The following OR13G1 variants were observed in gnomAD, a reference collection of about 807,000 sequenced individuals.
The protein encoded by OR13G1 is olfactory receptor family 13 subfamily G member 1.
For missense variants in OR13G1, 369 were observed against 385.7 expected (o/e 0.96, Z 0.36); for synonymous variants, 128 against 136.2 (o/e 0.94, Z 0.42).
In OR13G1 at chr1:247,672,548, A is replaced by G. The variant is rs142245167; in HGVS notation, c.494T>C (p.Phe165Ser). The G allele has an allele frequency of 3.1e-6, 5 of 1,614,038 alleles. No homozygotes were observed. The East Asian group carries it at 6.7e-5, about 22-fold the overall frequency. Reference sequence around the variant, plus strand: ...GTGGTCAATGGTGTTTGGCCCACAGAAAGTCAACCTCATGATAAGAGCTGT... The same window carrying G: ...GTGGTCAATGGTGTTTGGCCCACAGGAAGTCAACCTCATGATAAGAGCTGT... ...VHTALIMRLT[F>S]CGPNTIDHFF... Residue 165 changes from phenylalanine to serine, a missense_variant, in exon 2 of 2, where the codon TTC (phenylalanine) becomes TCC (serine). Transcript: ENST00000642119.
rs1323897011 is a variant in OR13G1 at position 247,671,221 on chromosome 1, A to G, written c.*897T>C. On this transcript the variant is annotated 3_prime_UTR_variant, in exon 2 of 2. Transcript: ENST00000642119. ...TGGTGTAATAATATAGCTATAGCCAATGAGATGTAGCTTATACTTACTGGG... is the reference window on the plus strand; with the variant it reads ...TGGTGTAATAATATAGCTATAGCCAGTGAGATGTAGCTTATACTTACTGGG... The G allele has an allele frequency of 1.3e-5, 2 of 152,142 alleles. No homozygotes were observed. The highest frequency in any genetic ancestry group is 1.9e-4 in the East Asian group (1 of 5,194). The allele number at this position is 152,142 out of a possible 1,614,324, so 9.4% of individuals were successfully genotyped here. A position where few individuals can be genotyped will look rare whatever the true frequency, so the allele number is the denominator to read the frequency against.
chr1:247,678,459 TGG>T (rs920210515), intron 1 of OR13G1, among the ~76,000 whole-genome samples: 9 of 152,224 alleles, frequency 5.9e-5, no homozygotes, highest in Non-Finnish European at 1.0e-4. Flanking sequence ...CTGTGTTTTA[TGG>T]GGACAGAGTG....
At position 247,672,874 on chromosome 1, in the gene OR13G1, C is replaced by T. The variant is rs774104682; in HGVS notation, c.168G>A (p.Met56Ile). The T allele has an allele frequency of 5.6e-6, 9 of 1,613,940 alleles. No individual in the cohort carries two copies. In the African/African-American group the frequency reaches 1.1e-4, roughly 19 times the overall value. Reference sequence around the variant, plus strand: ...CAGCCAGTGTCAGAAGGAAAACATACATGGGCGTATGCAAGGTGTTGTTAT... The same window carrying T: ...CAGCCAGTGTCAGAAGGAAAACATATATGGGCGTATGCAAGGTGTTGTTAT... ...KIYNNTLHTPMYVFLLTLAVV... is the reference protein window; with the variant it reads ...KIYNNTLHTPIYVFLLTLAVV... The change falls in exon 2 of 2, where the codon ATG (methionine) becomes ATA (isoleucine). Residue 56 changes from methionine (M) to isoleucine (I), a missense_variant. Met to Ile is a conservative substitution (Grantham distance 10). Transcript: ENST00000642119.
At chr1:247,673,345 A>T (rs976172972) in intron 1 of OR13G1, 66 bp from the exon 2 acceptor site, 1 of 332,690 alleles carries the variant, frequency 3.0e-6, no homozygotes, top group Non-Finnish European at 5.5e-6. Flanking sequence ...TATCATTTTC[A>T]CTTAAAACTT....
intron 1 of OR13G1, among the ~76,000 whole-genome samples, chr1:247,673,855 C>T (rs1659266704): frequency 6.6e-6 from 1 of 152,028 alleles, no homozygotes; most frequent in Non-Finnish European, 1.5e-5. Flanking sequence ...TTTATTATTT[C>T]TAAACATTGA....
rs771495183 is a variant in OR13G1 at position 247,672,584 on chromosome 1, GAAT to G, written c.455_457del (p.Asn152_Ser153delinsThr). The G allele has an allele frequency of 1.9e-6, 3 of 1,613,908 alleles. No homozygotes were observed. Among genetic ancestry groups the G allele is most frequent in the Non-Finnish European group, 2.5e-6 (3 of 1,179,966 alleles). On this transcript the variant is annotated inframe_deletion, in exon 2 of 2. Coordinates refer to ENST00000642119, the MANE Select transcript of OR13G1 (RefSeq NM_001005487.2). The stretch of plus-strand genomic sequence containing the variant: ...CATGATAAGAGCTGTGTGCACCCAG[GAAT>G]TGGTGACTGCAATAGCCATGACCAT...
At position 247,672,042 on chromosome 1, in the gene OR13G1, A is replaced by C; in HGVS notation, c.*76T>G. 4.0e-6 allele frequency: 5 copies of C among 1,245,656 alleles called. No homozygotes were observed. Among genetic ancestry groups the C allele is most frequent in the Non-Finnish European group, 4.5e-6 (4 of 891,746 alleles). The allele number at this position is 1,245,656 out of a possible 1,614,324, so 77.2% of individuals were successfully genotyped here. Reference sequence around the variant, plus strand: ...AGGGAAAATTGGAGTGGAGGTAAGTATGAAAAACCAGTAAAATCTGAGATG... The same window carrying C: ...AGGGAAAATTGGAGTGGAGGTAAGTCTGAAAAACCAGTAAAATCTGAGATG... On this transcript the variant is annotated 3_prime_UTR_variant, in exon 2 of 2. Transcript: ENST00000642119.
intron 1 of OR13G1, among the ~76,000 whole-genome samples, chr1:247,678,590 A>G (rs1659397237): frequency 1.3e-5 from 2 of 152,226 alleles, no homozygotes; most frequent in Non-Finnish European, 2.9e-5. Flanking sequence ...GCATCGTTTA[A>G]GGAGAATGTT....
In OR13G1 at chr1:247,672,913, G is replaced by A; in HGVS notation, c.129C>T (p.Ile43=). The A allele has an allele frequency of 4.3e-6, 7 of 1,614,048 alleles. No individual in the cohort carries two copies. Among genetic ancestry groups the A allele is most frequent in the African/African-American group, 1.3e-5 (1 of 75,034 alleles). The change falls in exon 2 of 2, where the codon ATC becomes ATT. Residue 43 remains isoleucine (I), a synonymous_variant. Coordinates refer to ENST00000642119, the MANE Select transcript of OR13G1 (RefSeq NM_001005487.2). ...LVAFLGNMLI[I]IAKIYNNTLH... ...AGGTGTTGTTATAGATTTTGGCAAT[G>A]ATGATGAGCATGTTGCCGAGAAAAG...
chr1:247,677,018 C>T lies in OR13G1; in HGVS notation c.-239+2622G>A, dbSNP rs146393583. Among the ~76,000 whole-genome samples the T allele has an allele frequency of 3.2e-3, 490 of 152,218 alleles. 6 individuals carry two copies. The highest frequency in any genetic ancestry group is 0.011 in the African/African-American group (456 of 41,538). ...CACACCTGTAGTCCCAGCACTTTGG[C>T]AGGCTGGGGTGGGCAGATGGCTTGA... is the stretch of plus-strand genomic sequence containing the variant. On this transcript the variant is annotated intron_variant, in intron 1 of 1. Coordinates refer to ENST00000642119, the MANE Select transcript of OR13G1 (RefSeq NM_001005487.2).
chr1:247,673,199 A>G lies in OR13G1; in HGVS notation c.-158T>C. On this transcript the variant is annotated 5_prime_UTR_variant, in exon 2 of 2. Transcript: ENST00000642119. ...TGCAGCAGGAATTCCCATTTGATGG[A>G]GTTCTGTATTCCAGGCAATATACTC... is the stretch of plus-strand genomic sequence containing the variant. The G allele has an allele frequency of 1.6e-6, 1 of 609,162 alleles. No homozygotes were observed. Among genetic ancestry groups the G allele is most frequent in the South Asian group, 2.1e-5 (1 of 48,510 alleles). The allele number at this position is 609,162 out of a possible 1,614,324, so 37.7% of individuals were successfully genotyped here.
intron 1 of OR13G1, among the ~76,000 whole-genome samples, chr1:247,676,746 G>A (rs1288612571): frequency 6.6e-6 from 1 of 152,088 alleles, no homozygotes; most frequent in Non-Finnish European, 1.5e-5. Flanking sequence ...TGTGATATCT[G>A]AAACCCTAGC....
chr1:247,678,748 A>C (rs1659400715), intron 1 of OR13G1, among the ~76,000 whole-genome samples: 2 of 152,112 alleles, frequency 1.3e-5, no homozygotes, highest in African/African-American at 4.8e-5. Flanking sequence ...AAAAGAGAAA[A>C]GGTGGCGGAG....
intron 1 of OR13G1, among the ~76,000 whole-genome samples, chr1:247,677,875 C>CA (rs780126719): frequency 1.3e-4 from 19 of 151,786 alleles, no homozygotes; most frequent in Non-Finnish European, 2.1e-4. Context: ...GAGGCCAAGA[C>CA]GGGCGCATCA....
rs1028676778 is a variant in OR13G1 at position 247,672,267 on chromosome 1, G to A, written c.775C>T (p.Pro259Ser). The A allele has an allele frequency of 6.2e-7, 1 of 1,614,090 alleles. No individual in the cohort carries two copies. Among genetic ancestry groups the A allele is most frequent in the Admixed American group, 1.7e-5 (1 of 59,994 alleles). Residue 259 changes from proline (P) to serine (S), a missense_variant, in exon 2 of 2, where the codon CCT becomes TCT. By Grantham distance (74) the Pro-to-Ser change is moderately conservative. Coordinates refer to ENST00000642119, the MANE Select transcript of OR13G1 (RefSeq NM_001005487.2). Reference protein sequence around the residue: ...YSPVIYTYIRPASSYTFERDK... With the variant: ...YSPVIYTYIRSASSYTFERDK... The stretch of plus-strand genomic sequence containing the variant: ...CTTTCAAATGTATAGCTGGAAGCAG[G>A]GCGGATATAGGTGTAGATTACAGGA...
chr1:247,679,237 T>C (rs1176006), intron 1 of OR13G1, among the ~76,000 whole-genome samples: 56,706 of 151,996 alleles, frequency 0.37, 11,914 homozygotes, highest in East Asian at 0.59. Flanking sequence ...GCTAAGTCTT[T>C]ATGATAATTA....
chr1:247,678,736 T>TA (rs1192472513), intron 1 of OR13G1, among the ~76,000 whole-genome samples: 1 of 152,162 alleles, frequency 6.6e-6, no homozygotes. Context: ...TAATAAATTG[T>TA]AAAAAGAGAA....
At chr1:247,676,442 A>G (rs941244987) in intron 1 of OR13G1, among the ~76,000 whole-genome samples, 3 of 151,740 alleles carry the variant, frequency 2.0e-5, no homozygotes, top group African/African-American at 4.8e-5. Flanking sequence ...GGTTAGGGCA[A>G]TAAAAGATAA....
rs767473186 is a variant in OR13G1 at position 247,672,434 on chromosome 1, A to G, written c.608T>C (p.Leu203Pro). The change falls in exon 2 of 2, where the codon CTG becomes CCG. Residue 203 changes from leucine to proline, a missense_variant. By Grantham distance (98) the Leu-to-Pro change is moderately conservative. Transcript: ENST00000642119. ...GGTAAGAATAAAGTCCCCTATGGCC[A>G]GGGTAATATCAGCAACATACACCAT... ...EVMVYVADITLAIGDFILTCI... is the reference protein window; with the variant it reads ...EVMVYVADITPAIGDFILTCI... 10 of 1,614,014 alleles carry G rather than the reference A, an allele frequency of 6.2e-6. No homozygotes were observed. The highest frequency in any genetic ancestry group is 8.5e-6 in the Non-Finnish European group (10 of 1,180,010).
Sources: gnomAD v4.1 joint callset for allele counts (sites outside exome capture counted in the v4.1 genomes callset) on GRCh38, gnomAD v4.1.1 for gene constraint, MANE v1.5 for transcripts, NCBI Gene and HGNC (gene_info 2026-07-23, HGNC 2026-07-21) for gene names.